The following TRDN variants were observed in gnomAD, a reference collection of about 807,000 sequenced individuals.
The protein encoded by TRDN is triadin in skeletal muscle.
In TRDN, 161 loss-of-function variants were observed where a neutral mutation model predicts 149.7. The ratio of observed to expected loss-of-function variants is 1.08; its 90% confidence interval spans 0.95 to 1.23. The LOEUF (loss-of-function observed/expected upper bound fraction) is 1.23, where lower values mean the gene tolerates loss of function less well. Ranked by LOEUF, TRDN falls within the 50% of genes most tolerant of loss-of-function variation. The probability of loss-of-function intolerance (pLI) is 0.00; values close to 1 mark genes in which losing one functional copy is unlikely to be tolerated. For missense variants in TRDN, 896 were observed against 823.5 expected (o/e 1.09, Z -1.08); for synonymous variants, 294 against 250.5 (o/e 1.17, Z -1.64).
At chr6:123,433,700 G>A (rs909051017) in intron 12 of TRDN, among the ~76,000 whole-genome samples, 1 of 151,930 alleles carries the variant, frequency 6.6e-6, no homozygotes, top group African/African-American at 2.4e-5. Flanking sequence ...ATTATCAATA[G>A]TTATTTTGTC....
At chr6:123,470,850 G>A (rs1468806691) in intron 9 of TRDN, 2 of 152,222 alleles carry the variant, frequency 1.3e-5, no homozygotes, top group Non-Finnish European at 2.9e-5. Context: ...GGACTACATA[G>A]GAGTAGTGTA....
intron 1 of TRDN, among the ~76,000 whole-genome samples, chr6:123,607,594 T>C (rs1784581538): frequency 6.6e-6 from 1 of 152,152 alleles, no homozygotes; most frequent in African/African-American, 2.4e-5. Context: ...TACAAACATG[T>C]CATTTGTGTT....
intron 12 of TRDN, among the ~76,000 whole-genome samples, chr6:123,398,496 A>G (rs1393699656): frequency 6.6e-6 from 1 of 152,240 alleles, no homozygotes; most frequent in Non-Finnish European, 1.5e-5. Flanking sequence ...ATGACAAATT[A>G]TCTTGCAGTC....
chr6:123,442,798 G>A (rs1243584522), intron 10 of TRDN, among the ~76,000 whole-genome samples: 2 of 151,850 alleles, frequency 1.3e-5, no homozygotes, highest in African/African-American at 4.8e-5. Context: ...ATCCAGGGAG[G>A]GTATGTCTAG....
chr6:123,387,279 T>A lies in TRDN; in HGVS notation c.1135+1243A>T, dbSNP rs189306013. On this transcript the variant is annotated intron_variant, in intron 14 of 40. Transcript: ENST00000334268. Reference sequence around the variant, plus strand: ...TTCTTTCTATTGATGCTTATCATTTTAAAAAAATTAAAGCTGAGGAAATTT... The same window carrying A: ...TTCTTTCTATTGATGCTTATCATTTAAAAAAAATTAAAGCTGAGGAAATTT... Among the ~76,000 whole-genome samples the A allele has an allele frequency of 2.0e-3, 310 of 152,244 alleles. 2 individuals are homozygous for A. Among genetic ancestry groups the A allele is most frequent in the Middle Eastern group, 0.017 (5 of 294 alleles).
At chr6:123,361,920 C>A (rs751245671) in intron 20 of TRDN, among the ~76,000 whole-genome samples, 4 of 152,172 alleles carry the variant, frequency 2.6e-5, no homozygotes, top group Non-Finnish European at 5.9e-5. Context: ...TATACATCTC[C>A]AGCCTATCAT....
chr6:123,626,079 A>G (rs1444370801), intron 1 of TRDN, among the ~76,000 whole-genome samples: 2 of 152,168 alleles, frequency 1.3e-5, no homozygotes, highest in African/African-American at 2.4e-5. Flanking sequence ...CTTCTACTCT[A>G]TGTTATATTC....
intron 38 of TRDN, among the ~76,000 whole-genome samples, chr6:123,227,160 T>G (rs1775407449): frequency 6.6e-6 from 1 of 151,710 alleles, no homozygotes; most frequent in African/African-American, 2.4e-5. Context: ...TAGAAATAAA[T>G]AAGACTAGAG....
chr6:123,345,502 A>C (rs908571525), intron 21 of TRDN, among the ~76,000 whole-genome samples: 1 of 151,972 alleles, frequency 6.6e-6, no homozygotes, highest in African/African-American at 2.4e-5. Flanking sequence ...TCAGTTTGCC[A>C]CTTAATTCTC....
intron 21 of TRDN, chr6:123,350,507 CTA>C: frequency 1.6e-6 from 1 of 614,654 alleles, no homozygotes; most frequent in Non-Finnish European, 2.0e-6. Flanking sequence ...CTGAAGATAA[CTA>C]AAAACTATGT....
intron 20 of TRDN, among the ~76,000 whole-genome samples, chr6:123,362,349 G>A (rs1780938464): frequency 6.6e-6 from 1 of 152,036 alleles, no homozygotes; most frequent in Non-Finnish European, 1.5e-5. Context: ...ATATGTTTGA[G>A]TGTTATTTAT....
intron 32 of TRDN, among the ~76,000 whole-genome samples, chr6:123,265,680 T>C (rs924571572): frequency 5.3e-5 from 6 of 113,078 alleles, no homozygotes; most frequent in African/African-American, 2.1e-4. Flanking sequence ...TCTGCCACAG[T>C]CCTTTTGGAA....
At position 123,401,703 on chromosome 6, in the gene TRDN, G is replaced by A. The variant is rs144739059; in HGVS notation, c.1052-8026C>T. On this transcript the variant is annotated intron_variant, in intron 12 of 40. Transcript: ENST00000334268. ...CTCATGCCTATAATCCCAGCACTTT[G>A]GGACACCAAGGTAGGTGGATCACCT... Among the ~76,000 whole-genome samples the A allele has an allele frequency of 3.3e-5, 5 of 152,208 alleles. No homozygotes were observed. In the East Asian group the frequency reaches 9.7e-4, roughly 29 times the overall value.
rs191241259 is a variant in TRDN at position 123,482,079 on chromosome 6, G to A, written c.853+15114C>T. ...TTCCACCTGTGGGAAAATGTCTTTC[G>A]TTTTTTTCTGTTTTTTGGCTCCTAC... On this transcript the variant is annotated intron_variant, in intron 9 of 40. Coordinates refer to ENST00000334268, the MANE Select transcript of TRDN (RefSeq NM_006073.4). Among the ~76,000 whole-genome samples, 97 of 152,108 alleles carry A rather than the reference G, an allele frequency of 6.4e-4. No individual in the cohort carries two copies. In the East Asian group the frequency reaches 0.013, roughly 20 times the overall value.
chr6:123,220,051 A>G (rs1039566757), intron 40 of TRDN, among the ~76,000 whole-genome samples: 3 of 151,944 alleles, frequency 2.0e-5, no homozygotes, highest in Non-Finnish European at 2.9e-5. Context: ...ATATCAGGCT[A>G]TAGAACTGCC....
Position 123,472,317 on chromosome 6 carries a change from G to C in TRDN, c.854-7334C>G, listed in dbSNP as rs567452060. ...CCCCTTCCGAGTCAAAGAAAGGGGT[G>C]ACGGACAGCACCTGGAAAATCGGGT... On this transcript the variant is annotated intron_variant, in intron 9 of 40. Transcript: ENST00000334268. Among the ~76,000 whole-genome samples the C allele has an allele frequency of 9.2e-5, 14 of 152,332 alleles. No individual in the cohort carries two copies. The South Asian group carries it at 2.9e-3, about 32-fold the overall frequency.
Position 123,371,325 on chromosome 6 carries a change from G to A in TRDN, c.1273+4280C>T, listed in dbSNP as rs1035716323. Among the ~76,000 whole-genome samples the A allele has an allele frequency of 9.9e-5, 15 of 152,192 alleles. No individual in the cohort carries two copies. The South Asian group carries it at 2.7e-3, about 27-fold the overall frequency. The stretch of plus-strand genomic sequence containing the variant: ...TAATCTATCCACACTCTGACTTTCT[G>A]AAATGGCTGCTTTTTCTTATGTCAG... On this transcript the variant is annotated intron_variant, in intron 19 of 40. Coordinates refer to ENST00000334268, the MANE Select transcript of TRDN (RefSeq NM_006073.4).
At chr6:123,339,156 C>G (rs1779978276) in intron 21 of TRDN, among the ~76,000 whole-genome samples, 1 of 151,994 alleles carries the variant, frequency 6.6e-6, no homozygotes, top group Non-Finnish European at 1.5e-5. Context: ...AGGCACCCAC[C>G]AGCATGCCCG....
At chr6:123,289,265 T>A (rs1247020405) in intron 24 of TRDN, among the ~76,000 whole-genome samples, 1 of 151,400 alleles carries the variant, frequency 6.6e-6, no homozygotes, top group Non-Finnish European at 1.5e-5. Context: ...ATATGTGGAA[T>A]CTAAATAAGT....
Sources: allele counts gnomAD v4.1 joint callset (sites outside exome capture counted in the v4.1 genomes callset), GRCh38; gene constraint gnomAD v4.1.1; transcripts MANE v1.5; gene names NCBI Gene and HGNC (gene_info 2026-07-23, HGNC 2026-07-21).